The following ITSN2 variants were observed in gnomAD, a reference collection of about 807,000 sequenced individuals.
The protein encoded by ITSN2 is intersectin 2, also known as intersectin-2.
ITSN2 carries 156 observed loss-of-function variants against 243.7 expected under a neutral mutation model. The observed-to-expected ratio is 0.64, with a 90% CI of 0.56 to 0.73. ITSN2 has a LOEUF of 0.73. ITSN2 is among the 30% of genes least tolerant of loss of function. The pLI is 0.00. For synonymous variants in ITSN2, 703 were observed against 699.9 expected, an observed-to-expected ratio of 1.00 and a Z score of -0.07; for missense variants, 1,801 against 1,996.1, an observed-to-expected ratio of 0.90 and a Z score of 1.86.
At position 24,246,798 on chromosome 2, in the gene ITSN2, A is replaced by C; in HGVS notation, c.3384T>G (p.Pro1128=). Residue 1128 remains proline, a splice_region_variant and synonymous_variant, in exon 28 of 40, where the codon CCT becomes CCG. Transcript: ENST00000355123. ...SSERATPAFH[P]VCQVIAMYDY... ...ATACAAATTAACCCACTTCCATACC[A>C]GGATGAAAGGCAGGTGTGGCTCTTT... is the stretch of plus-strand genomic sequence containing the variant. The C allele has an allele frequency of 6.4e-7, 1 of 1,574,414 alleles. No homozygotes were observed. Among genetic ancestry groups the C allele is most frequent in the Non-Finnish European group, 8.7e-7 (1 of 1,146,232 alleles).
chr2:24,317,321 T>A (rs1684054809), intron 2 of ITSN2, among the ~76,000 whole-genome samples: 1 of 151,306 alleles, frequency 6.6e-6, no homozygotes, highest in South Asian at 2.1e-4. Flanking sequence ...GAGGTGGAGG[T>A]TGCAGTGAGC....
At position 24,271,897 on chromosome 2, in the gene ITSN2, C is replaced by G. The variant is rs1385262201; in HGVS notation, c.2126G>C (p.Arg709Thr). Residue 709 changes from arginine (R) to threonine (T), a missense_variant, in exon 19 of 40, where the codon AGA (arginine) becomes ACA (threonine). Coordinates refer to ENST00000355123, the MANE Select transcript of ITSN2 (RefSeq NM_006277.3). ...GKENLWKENL[R>T]KEEEEKQKRL... is the part of the protein sequence containing the mutation. ...CTTTTGTTTTTCTTCTTCCTCCTTT[C>G]TAAGATTTTCTTTCCATAAGTTTTC... 2.5e-6 allele frequency: 3 copies of G among 1,193,764 alleles called. No homozygotes were observed. In the South Asian group the frequency reaches 3.8e-5, roughly 15 times the overall value. The allele number at this position is 1,193,764 out of a possible 1,614,324, so 73.9% of individuals were successfully genotyped here. A position where few individuals can be genotyped will look rare whatever the true frequency, so the allele number is the denominator to read the frequency against.
chr2:24,318,024 C>T (rs1684126980), intron 2 of ITSN2, among the ~76,000 whole-genome samples: 1 of 152,200 alleles, frequency 6.6e-6, no homozygotes, highest in South Asian at 2.1e-4. Context: ...TCTCCTATAC[C>T]TTCCACCCCA....
chr2:24,299,214 G>A (rs1007778990), intron 12 of ITSN2, among the ~76,000 whole-genome samples: 1 of 151,850 alleles, frequency 6.6e-6, no homozygotes, highest in Non-Finnish European at 1.5e-5. Flanking sequence ...TGTACTTTTT[G>A]TAGAGAGAGG....
At position 24,300,084 on chromosome 2, in the gene ITSN2, T is replaced by C; in HGVS notation, c.1169A>G (p.Gln390Arg). The stretch of plus-strand genomic sequence containing the variant: ...CTGGGCTTTACGTTCTGCCTCCCTT[T>C]GTTGCTGCTCCATCAAGGCTTGGCG... ...KRRQALMEQQ[Q>R]REAERKAQKE... The change falls in exon 12 of 40, where the codon CAA becomes CGA. Residue 390 changes from glutamine (Q) to arginine (R), a missense_variant. Around this residue, in one of 5 missense-constraint regions of ITSN2, gnomAD observed 787 missense variants for 803.9 expected, o/e 0.98. Transcript: ENST00000355123. 1 of 1,614,178 alleles carries C rather than the reference T, an allele frequency of 6.2e-7. No homozygotes were observed. Among genetic ancestry groups the C allele is most frequent in the Non-Finnish European group, 8.5e-7 (1 of 1,180,028 alleles).
intron 24 of ITSN2, among the ~76,000 whole-genome samples, chr2:24,253,169 G>A (rs1269498517): frequency 6.6e-6 from 1 of 152,048 alleles, no homozygotes; most frequent in Non-Finnish European, 1.5e-5. Context: ...TTGGTGACTT[G>A]GTTTTCTAAG....
chr2:24,337,315 A>AATATATATATATATCCAT (rs1686502351), intron 1 of ITSN2, among the ~76,000 whole-genome samples: 1 of 32,026 alleles, frequency 3.1e-5, no homozygotes, highest in African/African-American at 1.1e-4. Context: ...GTATACACAA[A>AATATATATATATATCCAT]ATATATATAT....
chr2:24,354,732 G>A (rs1425984825), intron 1 of ITSN2, among the ~76,000 whole-genome samples: 1 of 152,158 alleles, frequency 6.6e-6, no homozygotes, highest in African/African-American at 2.4e-5. Flanking sequence ...GAAAATAAAT[G>A]AAATTTTTAT....
intron 13 of ITSN2, among the ~76,000 whole-genome samples, chr2:24,297,959 G>A (rs565223352): frequency 3.9e-5 from 6 of 151,964 alleles, no homozygotes; most frequent in African/African-American, 1.4e-4. Flanking sequence ...ACTAATTCAC[G>A]AGAGATTTTA....
intron 13 of ITSN2, among the ~76,000 whole-genome samples, chr2:24,298,135 C>T (rs2151642797): frequency 6.6e-6 from 1 of 151,854 alleles, no homozygotes; most frequent in African/African-American, 2.4e-5. Flanking sequence ...CAGGCACCCA[C>T]CACCACCCAC....
intron 19 of ITSN2, among the ~76,000 whole-genome samples, chr2:24,271,004 G>A (rs1022053255): frequency 6.6e-6 from 1 of 152,082 alleles, no homozygotes; most frequent in African/African-American, 2.4e-5. Context: ...GATGACTTGC[G>A]GGATGAAGCA....
intron 1 of ITSN2, among the ~76,000 whole-genome samples, chr2:24,356,951 G>C (rs528750747): frequency 6.6e-6 from 1 of 152,038 alleles, no homozygotes; most frequent in African/African-American, 2.4e-5. Flanking sequence ...AGTCAGAATG[G>C]TGATTATTAA....
intron 29 of ITSN2, among the ~76,000 whole-genome samples, chr2:24,235,414 T>C (rs758121331): frequency 6.6e-6 from 1 of 152,144 alleles, no homozygotes; most frequent in Non-Finnish European, 1.5e-5. Context: ...TAGCTGTATG[T>C]CATTACCCAT....
chr2:24,343,219 G>A (rs1687210728), intron 1 of ITSN2, among the ~76,000 whole-genome samples: 1 of 151,702 alleles, frequency 6.6e-6, no homozygotes. Context: ...AAAACAACCT[G>A]AAAAATTAAA....
chr2:24,271,933 T>C lies in ITSN2; in HGVS notation c.2090A>G (p.Lys697Arg), dbSNP rs867000240. 1 of 1,550,878 alleles carries C rather than the reference T, an allele frequency of 6.4e-7. No individual in the cohort carries two copies. The highest frequency in any genetic ancestry group is 8.7e-7 in the Non-Finnish European group (1 of 1,147,322). ...KLEDEAARKAKQGKENLWKEN... is the reference protein window; with the variant it reads ...KLEDEAARKARQGKENLWKEN... Reference sequence around the variant, plus strand: ...TTTCCATAAGTTTTCTTTTCCTTGCTTTGCTTTCCTTTACATAAAAGAAAA... The same window carrying C: ...TTTCCATAAGTTTTCTTTTCCTTGCCTTGCTTTCCTTTACATAAAAGAAAA... Residue 697 changes from lysine (K) to arginine (R), a missense_variant, in exon 19 of 40, where the codon AAG becomes AGG. By Grantham distance (26) the Lys-to-Arg change is conservative (BLOSUM62 2). Coordinates refer to ENST00000355123, the MANE Select transcript of ITSN2 (RefSeq NM_006277.3).
At chr2:24,322,313 T>A (rs930779941) in intron 2 of ITSN2, among the ~76,000 whole-genome samples, 3 of 152,194 alleles carry the variant, frequency 2.0e-5, no homozygotes, top group Admixed American at 2.0e-4. Context: ...GGTACAGAGA[T>A]ATTAAATAAT....
intron 29 of ITSN2, among the ~76,000 whole-genome samples, chr2:24,245,190 A>G (rs1411757007): frequency 6.6e-6 from 1 of 152,224 alleles, no homozygotes; most frequent in African/African-American, 2.4e-5. Flanking sequence ...CTAGATAAAT[A>G]CAGAGAGATA....
intron 1 of ITSN2, among the ~76,000 whole-genome samples, chr2:24,329,922 T>C (rs1344985695): frequency 2.0e-5 from 3 of 152,152 alleles, no homozygotes; most frequent in African/African-American, 4.8e-5. Context: ...TGCAAACAAA[T>C]ATAACATTTT....
intron 1 of ITSN2, among the ~76,000 whole-genome samples, chr2:24,332,974 T>C (rs1187316133): frequency 2.0e-5 from 3 of 152,230 alleles, no homozygotes; most frequent in Non-Finnish European, 4.4e-5. Flanking sequence ...GCTTGTAGAC[T>C]TATCTACCAG....
Sources: allele counts gnomAD v4.1 joint callset (sites outside exome capture counted in the v4.1 genomes callset), GRCh38; gene constraint gnomAD v4.1.1; regional missense constraint gnomAD v4.1.1; transcripts MANE v1.5; gene names NCBI Gene and HGNC (gene_info 2026-07-23, HGNC 2026-07-21).